The following CAMK1D variants were observed in gnomAD, a reference collection of about 807,000 sequenced individuals.
The protein encoded by CAMK1D is calcium/calmodulin dependent protein kinase ID.
CAMK1D carries 9 observed loss-of-function variants against 47.7 expected under a neutral mutation model. The observed-to-expected ratio is 0.19, with a 90% CI of 0.11 to 0.33. The LOEUF (loss-of-function observed/expected upper bound fraction) is 0.33, where lower values mean the gene tolerates loss of function less well. CAMK1D is among the 10% of genes least tolerant of loss of function. The pLI is 1.00. For missense variants in CAMK1D, 291 were observed against 488.7 expected, an observed-to-expected ratio of 0.60 and a Z score of 3.81; for synonymous variants, 184 against 184.9, an observed-to-expected ratio of 0.99 and a Z score of 0.04.
intron 4 of CAMK1D, among the ~76,000 whole-genome samples, chr10:12,764,250 A>G (rs951073671): frequency 6.6e-6 from 1 of 152,054 alleles, no homozygotes; most frequent in Non-Finnish European, 1.5e-5. Context: ...GTGTGGTGGC[A>G]GGTGCCTGTA....
At chr10:12,354,709 C>T (rs1837454017) in intron 1 of CAMK1D, among the ~76,000 whole-genome samples, 2 of 151,908 alleles carry the variant, frequency 1.3e-5, no homozygotes, top group Non-Finnish European at 2.9e-5. Context: ...CGCGCCCAGC[C>T]GATGAGAAAA....
chr10:12,450,264 A>T (rs2132031438), intron 1 of CAMK1D, among the ~76,000 whole-genome samples: 1 of 152,340 alleles, frequency 6.6e-6, no homozygotes, highest in African/African-American at 2.4e-5. Context: ...TCCAGTTTGT[A>T]TTCCAGTTTC....
At chr10:12,355,595 A>G (rs1187970268) in intron 1 of CAMK1D, among the ~76,000 whole-genome samples, 1 of 152,002 alleles carries the variant, frequency 6.6e-6, no homozygotes, top group Non-Finnish European at 1.5e-5. Flanking sequence ...TTAGAATTTG[A>G]GAGTCCGTGA....
chr10:12,371,391 A>G (rs1238116947), intron 1 of CAMK1D, among the ~76,000 whole-genome samples: 1 of 151,720 alleles, frequency 6.6e-6, no homozygotes, highest in African/African-American at 2.4e-5. Flanking sequence ...CCTGGCTAAC[A>G]CGGTGAAATC....
chr10:12,612,527 C>T (rs1335528907), intron 2 of CAMK1D, among the ~76,000 whole-genome samples: 2 of 151,882 alleles, frequency 1.3e-5, no homozygotes, highest in Non-Finnish European at 2.9e-5. Flanking sequence ...GGTTTTAATA[C>T]TGTGGGTTTA....
intron 3 of CAMK1D, among the ~76,000 whole-genome samples, chr10:12,674,434 A>G (rs1840728543): frequency 2.0e-5 from 3 of 152,168 alleles, no homozygotes; most frequent in Admixed American, 1.3e-4. Context: ...CATCGTGGGC[A>G]CTGAGATACA....
chr10:12,412,045 C>T (rs1480404585), intron 1 of CAMK1D, among the ~76,000 whole-genome samples: 1 of 152,228 alleles, frequency 6.6e-6, no homozygotes, highest in East Asian at 1.9e-4. Flanking sequence ...GCTGGTTTCT[C>T]AGGTGACAAC....
intron 3 of CAMK1D, among the ~76,000 whole-genome samples, chr10:12,743,124 C>T (rs535542734): frequency 1.3e-5 from 2 of 152,232 alleles, no homozygotes; most frequent in Non-Finnish European, 2.9e-5. Context: ...AGGCAGATTG[C>T]TTGAGGTCAG....
intron 2 of CAMK1D, among the ~76,000 whole-genome samples, chr10:12,569,937 C>T (rs1837269589): frequency 6.6e-6 from 1 of 151,972 alleles, no homozygotes; most frequent in Non-Finnish European, 1.5e-5. Context: ...CATGGTGGCT[C>T]ACGCCTGTAA....
chr10:12,424,013 C>T (rs1015658655), intron 1 of CAMK1D, among the ~76,000 whole-genome samples: 7 of 152,160 alleles, frequency 4.6e-5, no homozygotes, highest in African/African-American at 7.2e-5. Context: ...CCCATCTCGC[C>T]GTCTTTGGCC....
At chr10:12,454,181 G>A (rs1833171218) in intron 1 of CAMK1D, among the ~76,000 whole-genome samples, 3 of 152,032 alleles carry the variant, frequency 2.0e-5, no homozygotes, top group African/African-American at 2.4e-5. Flanking sequence ...GTTTGTTTTC[G>A]CGATGGAGTC....
intron 6 of CAMK1D, among the ~76,000 whole-genome samples, chr10:12,804,347 C>T (rs1838619924): frequency 1.3e-5 from 2 of 152,150 alleles, no homozygotes; most frequent in South Asian, 2.1e-4. Context: ...GGCGCAGTGG[C>T]TCACACATGT....
chr10:12,663,750 C>T (rs1002255440), intron 2 of CAMK1D, among the ~76,000 whole-genome samples: 3 of 152,138 alleles, frequency 2.0e-5, no homozygotes, highest in African/African-American at 2.4e-5. Context: ...AATAGGCCTT[C>T]ATTTGGTGCT....
intron 1 of CAMK1D, among the ~76,000 whole-genome samples, chr10:12,491,580 C>A (rs1468846075): frequency 1.3e-5 from 2 of 152,104 alleles, no homozygotes; most frequent in African/African-American, 4.8e-5. Context: ...TCCTGTTGAG[C>A]TGCAGGCAGT....
intron 1 of CAMK1D, among the ~76,000 whole-genome samples, chr10:12,463,229 C>G (rs1016272034): frequency 1.3e-5 from 2 of 151,880 alleles, no homozygotes; most frequent in African/African-American, 4.8e-5. Flanking sequence ...CCTCTGCCTC[C>G]CGTGTTCAAG....
At chr10:12,651,434 C>G (rs372641453) in intron 2 of CAMK1D, among the ~76,000 whole-genome samples, 22 of 152,330 alleles carry the variant, frequency 1.4e-4, no homozygotes, top group Admixed American at 7.2e-4. Flanking sequence ...CTCTGTCACT[C>G]AGGCTGGAGT....
At chr10:12,589,633 C>T (rs963327780) in intron 2 of CAMK1D, among the ~76,000 whole-genome samples, 8 of 152,198 alleles carry the variant, frequency 5.3e-5, no homozygotes, top group African/African-American at 1.9e-4. Flanking sequence ...GAAAATGTCT[C>T]GTCTTCAGAA....
At chr10:12,709,625 G>A (rs1833861836) in intron 3 of CAMK1D, among the ~76,000 whole-genome samples, 1 of 152,034 alleles carries the variant, frequency 6.6e-6, no homozygotes, top group African/African-American at 2.4e-5. Context: ...TGGAGAGGAG[G>A]GCCTGTGTGT....
chr10:12,806,880 C>T (rs1838756192), intron 6 of CAMK1D, among the ~76,000 whole-genome samples: 2 of 152,052 alleles, frequency 1.3e-5, no homozygotes, highest in Non-Finnish European at 2.9e-5. Flanking sequence ...ACCGTGGGGA[C>T]TTTGGGGCTG....
Sources: gnomAD v4.1 joint callset for allele counts (sites outside exome capture counted in the v4.1 genomes callset) on GRCh38, gnomAD v4.1.1 for gene constraint, MANE v1.5 for transcripts, NCBI Gene and HGNC (gene_info 2026-07-23, HGNC 2026-07-21) for gene names.